MCPH1: variants seen among roughly 807,000 people sequenced by gnomAD.
The protein encoded by MCPH1 is microcephalin 1, also known as microcephalin.
MCPH1 carries 104 observed loss-of-function variants against 84.5 expected under a neutral mutation model. The observed-to-expected ratio is 1.23, with a 90% CI of 1.05 to 1.45. MCPH1 has a LOEUF of 1.45. Ranked by LOEUF, MCPH1 falls within the 40% of genes most tolerant of loss-of-function variation. The pLI is 0.00. For synonymous variants in MCPH1, 514 were observed against 366.8 expected (o/e 1.40, Z -4.58); for missense variants, 1,498 against 1,005.7 (o/e 1.49, Z -6.62).
intron 11 of MCPH1, chr8:6,494,261 G>A (rs1810991964): frequency 6.6e-6 from 1 of 152,310 alleles, no homozygotes; most frequent in African/African-American, 2.4e-5. Flanking sequence ...TTTTGAATTT[G>A]AATTCAGCTC....
At chr8:6,457,841 C>A (rs920722010) in intron 9 of MCPH1, among the ~76,000 whole-genome samples, 5 of 151,864 alleles carry the variant, frequency 3.3e-5, no homozygotes, top group Non-Finnish European at 7.4e-5. Flanking sequence ...CACCGCACAG[C>A]CTTTGCTTGA....
intron 12 of MCPH1, among the ~76,000 whole-genome samples, chr8:6,511,587 C>T (rs1033800257): frequency 1.3e-5 from 2 of 152,162 alleles, no homozygotes; most frequent in African/African-American, 2.4e-5. Flanking sequence ...ATACAACTGG[C>T]GTCTCAAAGC....
rs1034210670 is a variant in MCPH1 at position 6,647,160 on chromosome 8, A to G, written c.*4111A>G. ...TCATGCAAGAAGATATACAAATATT[A>G]AGCACATTAAAATGCTCAATATTAT... is the stretch of plus-strand genomic sequence containing the variant. On this transcript the variant is annotated 3_prime_UTR_variant, in exon 14 of 14. Transcript: ENST00000344683. The G allele has an allele frequency of 1.3e-5, 2 of 152,246 alleles. No homozygotes were observed. Among genetic ancestry groups the G allele is most frequent in the African/African-American group, 2.4e-5 (1 of 41,464 alleles). 9.4% of individuals were successfully genotyped at this position (152,246 alleles called of 1,614,324 possible).
At chr8:6,440,461 C>CA (rs1461382847) in intron 6 of MCPH1, among the ~76,000 whole-genome samples, 6 of 152,170 alleles carry the variant, frequency 3.9e-5, no homozygotes, top group African/African-American at 1.4e-4. Context: ...CTCCTGGGCT[C>CA]AAGTACTTCT....
chr8:6,439,572 T>C (rs1803199911), intron 6 of MCPH1, among the ~76,000 whole-genome samples: 1 of 151,946 alleles, frequency 6.6e-6, no homozygotes, highest in East Asian at 1.9e-4. Flanking sequence ...TTTTTTTGTA[T>C]TTTTAGTAGA....
At chr8:6,611,353 C>T (rs1011778992) in intron 12 of MCPH1, among the ~76,000 whole-genome samples, 2 of 152,146 alleles carry the variant, frequency 1.3e-5, no homozygotes, top group African/African-American at 2.4e-5. Context: ...AACTGACCAG[C>T]GGTAAATCAG....
chr8:6,509,683 T>C (rs763048514), intron 12 of MCPH1, among the ~76,000 whole-genome samples: 27 of 152,228 alleles, frequency 1.8e-4, no homozygotes, highest in Admixed American at 4.6e-4. Flanking sequence ...TGACTTCCCA[T>C]GGGGCTATGT....
rs530599765 is a variant in MCPH1, at chr8:6,472,346, A to T, written c.1936-5248A>T. Among the ~76,000 whole-genome samples the T allele has an allele frequency of 2.2e-4, 34 of 152,374 alleles. No homozygotes were observed. The South Asian group carries it at 7.0e-3, about 32-fold the overall frequency. ...TGTGACAATTTGTCCCATATAACTT[A>T]TCAATAGTAACACATCAAATGGATC... On this transcript the variant is annotated intron_variant, in intron 9 of 13. Transcript: ENST00000344683.
rs1586115551 is a variant in MCPH1, at chr8:6,497,216, C to T, written c.2137-2636C>T. On this transcript the variant is annotated intron_variant, in intron 11 of 13. Coordinates refer to ENST00000344683, the MANE Select transcript of MCPH1 (RefSeq NM_024596.5). ...GTTGAGAGGGCTGGGTGCGGTGGCTCACACCTATAATCCCAACACGTTGAG... is the reference window on the plus strand; with the variant it reads ...GTTGAGAGGGCTGGGTGCGGTGGCTTACACCTATAATCCCAACACGTTGAG... Among the ~76,000 whole-genome samples, 4 of 151,780 alleles carry T rather than the reference C, an allele frequency of 2.6e-5. No homozygotes were observed. The East Asian group carries it at 7.7e-4, about 29-fold the overall frequency.
At chr8:6,537,308 C>G (rs1563087031) in intron 12 of MCPH1, among the ~76,000 whole-genome samples, 1 of 152,004 alleles carries the variant, frequency 6.6e-6, no homozygotes, top group Non-Finnish European at 1.5e-5. Flanking sequence ...TTTATTTTGT[C>G]CTCTTCTTGA....
chr8:6,423,288 C>G (rs1375724234), intron 3 of MCPH1, among the ~76,000 whole-genome samples: 1 of 148,766 alleles, frequency 6.7e-6, no homozygotes, highest in East Asian at 2.0e-4. Flanking sequence ...CCTCAGCCTC[C>G]TGAGTAGCTG....
At chr8:6,465,682 G>A (rs936906479) in intron 9 of MCPH1, among the ~76,000 whole-genome samples, 1 of 152,124 alleles carries the variant, frequency 6.6e-6, no homozygotes, top group Non-Finnish European at 1.5e-5. Context: ...GGCGGAGGGC[G>A]GGGGAGGCCT....
At chr8:6,571,907 T>G (rs947682229) in intron 12 of MCPH1, among the ~76,000 whole-genome samples, 6 of 152,202 alleles carry the variant, frequency 3.9e-5, no homozygotes, top group African/African-American at 1.4e-4. Flanking sequence ...TCCTTGTCAC[T>G]CTTGTCCCCT....
chr8:6,492,222 G>A (rs1380618466), intron 11 of MCPH1, among the ~76,000 whole-genome samples: 1 of 152,198 alleles, frequency 6.6e-6, no homozygotes, highest in Non-Finnish European at 1.5e-5. Flanking sequence ...TTTCTCTGAT[G>A]GCCAGTGATG....
chr8:6,629,532 G>A (rs970366274), intron 13 of MCPH1, among the ~76,000 whole-genome samples: 2 of 152,200 alleles, frequency 1.3e-5, no homozygotes, highest in African/African-American at 4.8e-5. Flanking sequence ...AAGAGTCCAA[G>A]TGAGGACTCA....
intron 12 of MCPH1, among the ~76,000 whole-genome samples, chr8:6,523,399 T>G (rs1000467209): frequency 3.3e-5 from 5 of 152,238 alleles, no homozygotes; most frequent in African/African-American, 9.6e-5. Flanking sequence ...TAATTTCAAC[T>G]TATAAACATA....
At chr8:6,418,623 G>T (rs759962748) in intron 3 of MCPH1, among the ~76,000 whole-genome samples, 1 of 151,582 alleles carries the variant, frequency 6.6e-6, no homozygotes, top group African/African-American at 2.4e-5. Context: ...TCGCTCTGTC[G>T]CCAGGCTGGA....
intron 12 of MCPH1, among the ~76,000 whole-genome samples, chr8:6,504,533 A>G (rs7842236): frequency 2.9e-4 from 44 of 152,214 alleles, no homozygotes; most frequent in African/African-American, 1.1e-3. Context: ...CTTATGTTCA[A>G]GTAACGCTTA....
chr8:6,490,926 C>G (rs539215558), intron 11 of MCPH1, among the ~76,000 whole-genome samples: 13 of 137,274 alleles, frequency 9.5e-5, no homozygotes, highest in Admixed American at 2.4e-4. Flanking sequence ...ATTTAACAAG[C>G]ATTGTATATA....
Sources: allele counts gnomAD v4.1 joint callset (sites outside exome capture counted in the v4.1 genomes callset), GRCh38; gene constraint gnomAD v4.1.1; transcripts MANE v1.5; gene names NCBI Gene and HGNC (gene_info 2026-07-23, HGNC 2026-07-21).